Variants in PPP3R1 observed in about 807,000 individuals in gnomAD.
The protein encoded by PPP3R1 is calcineurin subunit B type 1.
A neutral mutation model predicts 22.6 loss-of-function variants in PPP3R1; 5 were observed. That is an observed-to-expected ratio of 0.22 (90% CI 0.12 to 0.46). PPP3R1 has a LOEUF of 0.46. Among genes scored for constraint, PPP3R1 ranks in the 20% least tolerant of loss-of-function variants. The pLI is 0.99. For missense variants in PPP3R1, 61 were observed against 203.2 expected, an observed-to-expected ratio of 0.30 and a Z score of 4.25; for synonymous variants, 56 against 65.2, an observed-to-expected ratio of 0.86 and a Z score of 0.68.
intron 2 of PPP3R1, among the ~76,000 whole-genome samples, chr2:68,209,668 G>A (rs1323092809): frequency 2.6e-5 from 4 of 151,950 alleles, no homozygotes; most frequent in Admixed American, 6.6e-5. Context: ...TGAGGTAGGA[G>A]AATCGCTTGA....
At chr2:68,190,435 G>C (rs1674640792) in intron 2 of PPP3R1, among the ~76,000 whole-genome samples, 1 of 151,900 alleles carries the variant, frequency 6.6e-6, no homozygotes, top group South Asian at 2.1e-4. Flanking sequence ...AGTGATGGCA[G>C]GGCGCCTGTA....
intron 3 of PPP3R1, 26 bp from the exon 4 acceptor site, chr2:68,187,340 A>G: frequency 1.3e-6 from 2 of 1,582,136 alleles, no homozygotes; most frequent in Non-Finnish European, 1.7e-6. Context: ...AAATGTTCAC[A>G]AATCAGAACT....
chr2:68,237,596 A>G (rs1434652096), intron 1 of PPP3R1, among the ~76,000 whole-genome samples: 3 of 152,178 alleles, frequency 2.0e-5, no homozygotes, highest in Non-Finnish European at 4.4e-5. Context: ...ATACCAAAAC[A>G]GCTGCTACAT....
chr2:68,190,430 T>C (rs1338921079), intron 2 of PPP3R1, among the ~76,000 whole-genome samples: 1 of 151,864 alleles, frequency 6.6e-6, no homozygotes, highest in East Asian at 1.9e-4. Context: ...CCGGGAGTGA[T>C]GGCAGGGCGC....
Position 68,217,011 on chromosome 2 carries a change from TACACACAC to T in PPP3R1, c.43+73_43+80del, listed in dbSNP as rs66891931. The T allele has an allele frequency of 2.6e-5, 20 of 770,974 alleles. 2 individuals are homozygous for T. The highest frequency in any genetic ancestry group is 4.8e-5 in the African/African-American group (2 of 42,018). 47.8% of individuals were successfully genotyped at this position (770,974 alleles called of 1,614,324 possible). On this transcript the variant is annotated intron_variant, in intron 2 of 5. Coordinates refer to ENST00000234310, the MANE Select transcript of PPP3R1 (RefSeq NM_000945.4). The stretch of plus-strand genomic sequence containing the variant: ...GTAAATATACATTACAGAGGTATGA[TACACACAC>T]ACACACACACACACACACACAGAGA...
intron 1 of PPP3R1, among the ~76,000 whole-genome samples, chr2:68,229,146 A>C (rs1295017449): frequency 6.6e-6 from 1 of 151,604 alleles, no homozygotes; most frequent in Non-Finnish European, 1.5e-5. Flanking sequence ...CATCCACTCA[A>C]CTACAGGCAT....
Position 68,203,828 on chromosome 2 carries a change from C to A in PPP3R1, c.43+13264G>T, listed in dbSNP as rs185312166. Reference sequence around the variant, plus strand: ...AACTGTTTACTAAAAACAGAAACAGCGTTCTAACGGCTAGAAGGGTTTCTA... The same window carrying A: ...AACTGTTTACTAAAAACAGAAACAGAGTTCTAACGGCTAGAAGGGTTTCTA... On this transcript the variant is annotated intron_variant, in intron 2 of 5. Coordinates refer to ENST00000234310, the MANE Select transcript of PPP3R1 (RefSeq NM_000945.4). Among the ~76,000 whole-genome samples the A allele has an allele frequency of 2.0e-5, 3 of 152,246 alleles. No homozygotes were observed. In the East Asian group the frequency reaches 5.8e-4, roughly 29 times the overall value.
chr2:68,233,421 TTGCAAGTGGATCTTCCTC>T (rs762159743), intron 1 of PPP3R1, among the ~76,000 whole-genome samples: 20 of 152,228 alleles, frequency 1.3e-4, no homozygotes, highest in Non-Finnish European at 2.5e-4. Context: ...TATAGTTCAC[TTGCAAGTGGATCTTCCTC>T]TGCATGCCAA....
At chr2:68,232,118 T>TACACACACACACAC (rs1266855864) in intron 1 of PPP3R1, among the ~76,000 whole-genome samples, 1 of 53,972 alleles carries the variant, frequency 1.9e-5, no homozygotes, top group African/African-American at 1.0e-4. Flanking sequence ...AATATATATA[T>TACACACACACACAC]ATATATACAC....
intron 2 of PPP3R1, among the ~76,000 whole-genome samples, chr2:68,215,388 A>G (rs1669560597): frequency 6.6e-6 from 1 of 152,186 alleles, no homozygotes; most frequent in South Asian, 2.1e-4. Flanking sequence ...GGGATACTCA[A>G]CCTGTATTCC....
intron 1 of PPP3R1, among the ~76,000 whole-genome samples, chr2:68,232,223 ATGTGTGTGTG>A (rs76815812): frequency 1.1e-4 from 5 of 45,760 alleles, no homozygotes; most frequent in Non-Finnish European, 1.9e-4. Flanking sequence ...ATATGTATAT[ATGTGTGTGTG>A]TGTGTGTGTG....
At chr2:68,230,011 C>CACACAT (rs1421392496) in intron 1 of PPP3R1, among the ~76,000 whole-genome samples, 53 of 139,648 alleles carry the variant, frequency 3.8e-4, no homozygotes, top group African/African-American at 1.0e-3. Context: ...CACACACACA[C>CACACAT]ATATATATTT....
intron 2 of PPP3R1, among the ~76,000 whole-genome samples, chr2:68,199,521 T>A (rs1674913573): frequency 6.6e-6 from 1 of 152,186 alleles, no homozygotes; most frequent in Admixed American, 6.5e-5. Flanking sequence ...GAGTGGAAAA[T>A]CTTGTTTTCT....
intron 1 of PPP3R1, among the ~76,000 whole-genome samples, chr2:68,225,801 G>A (rs1669769555): frequency 6.6e-6 from 1 of 152,076 alleles, no homozygotes; most frequent in Non-Finnish European, 1.5e-5. Flanking sequence ...AAATTGTACC[G>A]CTATTTCAAA....
At chr2:68,215,556 A>G (rs1669563738) in intron 2 of PPP3R1, among the ~76,000 whole-genome samples, 1 of 152,164 alleles carries the variant, frequency 6.6e-6, no homozygotes, top group Non-Finnish European at 1.5e-5. Context: ...CAAATCTCAC[A>G]AGTATATCTG....
intron 2 of PPP3R1, among the ~76,000 whole-genome samples, chr2:68,195,698 T>C (rs545132542): frequency 2.0e-5 from 3 of 152,104 alleles, no homozygotes; most frequent in African/African-American, 7.2e-5. Flanking sequence ...GTAAAAAAAA[T>C]ACAAAACCAA....
intron 1 of PPP3R1, among the ~76,000 whole-genome samples, chr2:68,235,680 A>T (rs1670006816): frequency 6.6e-6 from 1 of 152,134 alleles, no homozygotes; most frequent in African/African-American, 2.4e-5. Context: ...CAAGTTTTTC[A>T]CTTCATTTCA....
chr2:68,248,371 T>G (rs1170541019), intron 1 of PPP3R1, among the ~76,000 whole-genome samples: 1 of 152,224 alleles, frequency 6.6e-6, no homozygotes, highest in Non-Finnish European at 1.5e-5. Flanking sequence ...AATCACTGTC[T>G]TATTTACCCT....
chr2:68,243,524 G>A (rs1670171417), intron 1 of PPP3R1, among the ~76,000 whole-genome samples: 1 of 152,112 alleles, frequency 6.6e-6, no homozygotes, highest in Admixed American at 6.5e-5. Flanking sequence ...TTATACTTCA[G>A]AAGCTATTTT....
Sources: gnomAD v4.1 joint callset for allele counts (sites outside exome capture counted in the v4.1 genomes callset) on GRCh38, gnomAD v4.1.1 for gene constraint, MANE v1.5 for transcripts, NCBI Gene and HGNC (gene_info 2026-07-23, HGNC 2026-07-21) for gene names.